Variants in ACAT2 observed in about 807,000 individuals in gnomAD.
ACAT2 encodes the protein acetyl-CoA acetyltransferase, cytosolic.
A neutral mutation model predicts 37.1 loss-of-function variants in ACAT2; 26 were observed. The ratio of observed to expected loss-of-function variants is 0.70; its 90% CI spans 0.51 to 0.97. The LOEUF is 0.97. ACAT2 is among the 50% of genes least tolerant of loss of function. The probability of loss-of-function intolerance (pLI) is 0.00; values close to 1 mark genes in which losing one functional copy is unlikely to be tolerated. For synonymous variants in ACAT2, 156 were observed against 163.6 expected (o/e 0.95, Z 0.35); for missense variants, 468 against 489.0 (o/e 0.96, Z 0.40).
chr6:159,767,670 C>T (rs1416923999), intron 3 of ACAT2, among the ~76,000 whole-genome samples: 1 of 152,152 alleles, frequency 6.6e-6, no homozygotes, highest in Non-Finnish European at 1.5e-5. Context: ...TTTGTTTCAC[C>T]AAGTTCCATA....
rs1364684161 is a variant in ACAT2, at chr6:159,778,839, A to G, written c.*10A>G. ...TGTTCAGAGAGAATGAATTGCTTAA[A>G]CTTTGAACAACCTCAATTTCTTTTT... On this transcript the variant is annotated 3_prime_UTR_variant, in exon 9 of 9. Transcript: ENST00000367048. 2 of 1,614,012 alleles carry G rather than the reference A, an allele frequency of 1.2e-6. No homozygotes were observed. The highest frequency in any genetic ancestry group is 1.7e-5 in the Admixed American group (1 of 60,012).
At chr6:159,776,557 T>G (rs185989019) in intron 6 of ACAT2, among the ~76,000 whole-genome samples, 571 of 152,220 alleles carry the variant, frequency 3.8e-3, no homozygotes, top group Middle Eastern at 0.017. Context: ...TAAAACAGTT[T>G]AAGGAAACAT....
intron 7 of ACAT2, 141 bp from the exon 8 acceptor site, chr6:159,778,029 A>G (rs373364816): frequency 1.8e-6 from 1 of 559,234 alleles, no homozygotes; most frequent in Middle Eastern, 2.8e-4. Context: ...AATGTGTGAG[A>G]ATGTCACTGT....
At position 159,777,469 on chromosome 6, in the gene ACAT2, C is replaced by T. The variant is rs116271165; in HGVS notation, c.912+13C>T. On this transcript the variant is annotated intron_variant, in intron 7 of 8. Coordinates refer to ENST00000367048, the MANE Select transcript of ACAT2 (RefSeq NM_005891.3). Reference sequence around the variant, plus strand: ...CATAAAGCAAGCTGTGAGTATAACCCTATTCCCTTTTATGAAATTTGTCTT... The same window carrying T: ...CATAAAGCAAGCTGTGAGTATAACCTTATTCCCTTTTATGAAATTTGTCTT... The T allele has an allele frequency of 3.7e-4, 588 of 1,603,602 alleles. 2 individuals carry two copies. In the African/African-American group the frequency reaches 7.3e-3, roughly 20 times the overall value.
chr6:159,763,970 G>A (rs546353041), intron 2 of ACAT2, among the ~76,000 whole-genome samples: 3 of 151,454 alleles, frequency 2.0e-5, no homozygotes, highest in African/African-American at 2.4e-5. Context: ...GTGTGGTGGC[G>A]GGCGCCTGTA....
chr6:159,772,403 A>G (rs1463993867), intron 4 of ACAT2, among the ~76,000 whole-genome samples: 1 of 152,242 alleles, frequency 6.6e-6, no homozygotes, highest in Non-Finnish European at 1.5e-5. Context: ...GAAAGAGAAC[A>G]GAGTTCAGAA....
chr6:159,772,780 C>T (rs1780357220), intron 4 of ACAT2, among the ~76,000 whole-genome samples: 1 of 151,444 alleles, frequency 6.6e-6, no homozygotes, highest in African/African-American at 2.4e-5. Flanking sequence ...TGCACTCCAG[C>T]CTGGTCAACA....
intron 2 of ACAT2, 120 bp from the exon 3 acceptor site, chr6:159,766,885 C>A: frequency 8.0e-7 from 1 of 1,245,196 alleles, no homozygotes; most frequent in Non-Finnish European, 1.1e-6. Context: ...TGGGCACTTA[C>A]TTGACCTGTA....
intron 8 of ACAT2, 69 bp from the exon 9 acceptor site, chr6:159,778,590 A>C: frequency 6.5e-7 from 1 of 1,535,622 alleles, no homozygotes; most frequent in Non-Finnish European, 8.9e-7. Context: ...AAGAGGAAAA[A>C]GACAAGTTTA....
intron 7 of ACAT2, among the ~76,000 whole-genome samples, chr6:159,777,895 A>G (rs1007395968): frequency 1.1e-4 from 17 of 152,182 alleles, no homozygotes; most frequent in Non-Finnish European, 1.2e-4. Context: ...ATTCTGTTAC[A>G]TTAGCCTTAG....
Position 159,776,255 on chromosome 6 carries a change from C to T in ACAT2, c.740C>T (p.Thr247Ile), listed in dbSNP as rs1374022415. The change falls in exon 6 of 9, where the codon ACC (threonine) becomes ATC (isoleucine). Residue 247 changes from threonine (T) to isoleucine (I), a missense_variant. Transcript: ENST00000367048. ...YFLTDGTGTV[T>I]PANASGINDG... The stretch of plus-strand genomic sequence containing the variant: ...CTTACTGATGGAACGGGAACAGTCA[C>T]CCCAGCCAATGCTTCAGGTTAGATT... The T allele has an allele frequency of 6.2e-7, 1 of 1,614,018 alleles. No individual in the cohort carries two copies. The highest frequency in any genetic ancestry group is 8.5e-7 in the Non-Finnish European group (1 of 1,180,008).
chr6:159,770,949 C>T (rs1448528217), intron 4 of ACAT2, among the ~76,000 whole-genome samples: 1 of 152,164 alleles, frequency 6.6e-6, no homozygotes, highest in Non-Finnish European at 1.5e-5. Flanking sequence ...CCTGTAATCC[C>T]AACTACTTGG....
At position 159,765,834 on chromosome 6, in the gene ACAT2, C is replaced by G. The variant is rs576888237; in HGVS notation, c.191-1171C>G. On this transcript the variant is annotated intron_variant, in intron 2 of 8. Transcript: ENST00000367048. ...ACCCGTTTTTAGTTTCCAGCCTAATCCCAGATTGATAACATTGTGATGAAT... is the reference window on the plus strand; with the variant it reads ...ACCCGTTTTTAGTTTCCAGCCTAATGCCAGATTGATAACATTGTGATGAAT... Among the ~76,000 whole-genome samples, 4 of 152,310 alleles carry G rather than the reference C, an allele frequency of 2.6e-5. No individual in the cohort carries two copies. The South Asian group carries it at 8.3e-4, about 32-fold the overall frequency.
chr6:159,776,566 A>T (rs966685441), intron 6 of ACAT2, among the ~76,000 whole-genome samples: 1 of 152,174 alleles, frequency 6.6e-6, no homozygotes, highest in South Asian at 2.1e-4. Context: ...TTAAGGAAAC[A>T]TGTCATTTCT....
At chr6:159,773,010 G>T (rs1235862359) in intron 4 of ACAT2, among the ~76,000 whole-genome samples, 1 of 151,850 alleles carries the variant, frequency 6.6e-6, no homozygotes, top group Non-Finnish European at 1.5e-5. Context: ...TCACCACCAT[G>T]CCTGGCTAAT....
At chr6:159,768,432 C>G in intron 3 of ACAT2, 79 bp from the exon 4 acceptor site, 2 of 1,049,052 alleles carry the variant, frequency 1.9e-6, no homozygotes, top group Non-Finnish European at 3.0e-6. Context: ...TTAGGAAATA[C>G]TAGATAGTTT....
intron 2 of ACAT2, among the ~76,000 whole-genome samples, chr6:159,765,105 G>A (rs115781883): frequency 0.011 from 1,615 of 152,224 alleles, 17 homozygotes; most frequent in Middle Eastern, 0.075. Flanking sequence ...AATTGTGTTA[G>A]CACCTCATTT....
In ACAT2 at chr6:159,763,176, T is replaced by G; in HGVS notation, c.190+123T>G. The G allele has an allele frequency of 5.1e-6, 7 of 1,368,232 alleles. No individual in the cohort carries two copies. In the South Asian group the frequency reaches 7.3e-5, roughly 14 times the overall value. 84.8% of individuals were successfully genotyped at this position (1,368,232 alleles called of 1,614,324 possible). ...CTCACTCAAGTTCTTGCCTCCTTGC[T>G]TTTGCTCAGAGTTCCCTCTGTTATG... On this transcript the variant is annotated intron_variant, in intron 2 of 8. Coordinates refer to ENST00000367048, the MANE Select transcript of ACAT2 (RefSeq NM_005891.3).
chr6:159,765,682 T>C (rs75482622), intron 2 of ACAT2, among the ~76,000 whole-genome samples: 116 of 9,060 alleles, frequency 0.013, no homozygotes, highest in African/African-American at 0.037. Context: ...TGCGCCCCCC[T>C]CCCCCGGCCT....
Sources: gnomAD v4.1 joint callset for allele counts (sites outside exome capture counted in the v4.1 genomes callset) on GRCh38, gnomAD v4.1.1 for gene constraint, MANE v1.5 for transcripts, NCBI Gene and HGNC (gene_info 2026-07-23, HGNC 2026-07-21) for gene names.